The following AUTS2 variants were observed in gnomAD, a reference collection of about 807,000 sequenced individuals.
AUTS2 encodes activator of transcription and developmental regulator AUTS2.
Under a neutral mutation model 112.4 loss-of-function variants are expected in AUTS2, and 17 were observed. The ratio of observed to expected loss-of-function variants is 0.15; its 90% CI spans 0.10 to 0.23. The LOEUF (loss-of-function observed/expected upper bound fraction) is 0.23, where lower values mean the gene tolerates loss of function less well. Ranked by LOEUF, AUTS2 falls within the 10% of genes least tolerant of loss-of-function variation. AUTS2 has a pLI of 1.00. For missense variants in AUTS2, 1,510 were observed against 1,701.6 expected, an observed-to-expected ratio of 0.89 and a Z score of 1.98; for synonymous variants, 751 against 702.7, an observed-to-expected ratio of 1.07 and a Z score of -1.09.
chr7:69,997,476 T>G (rs1427111822), intron 2 of AUTS2, among the ~76,000 whole-genome samples: 1 of 152,212 alleles, frequency 6.6e-6, no homozygotes, highest in Non-Finnish European at 1.5e-5. Flanking sequence ...TTTGTGTTCC[T>G]ATAAACGAAT....
At chr7:70,385,892 C>T (rs1793585297) in intron 4 of AUTS2, among the ~76,000 whole-genome samples, 1 of 152,178 alleles carries the variant, frequency 6.6e-6, no homozygotes, top group African/African-American at 2.4e-5. Flanking sequence ...CCAGCTACCA[C>T]TCCACCAGTT....
intron 4 of AUTS2, among the ~76,000 whole-genome samples, chr7:70,135,720 A>G (rs1806520721): frequency 6.6e-6 from 1 of 152,166 alleles, no homozygotes. Flanking sequence ...TGCTTAATAC[A>G]GTTAGCACAC....
chr7:70,154,438 A>T (rs1045929914), intron 4 of AUTS2, among the ~76,000 whole-genome samples: 1 of 152,210 alleles, frequency 6.6e-6, no homozygotes. Flanking sequence ...AGAGATCTAT[A>T]GATATTTGTT....
rs139546791 is a variant in AUTS2, at chr7:70,325,117, C to A, written c.661-110635C>A. ...GGGATGAAAGGAGAGAAGTGGGAGG[C>A]TGGAAGGAGTGAGGTTTCTTGTCCT... is the stretch of plus-strand genomic sequence containing the variant. On this transcript the variant is annotated intron_variant, in intron 4 of 18. Transcript: ENST00000342771. Among the ~76,000 whole-genome samples, 11 of 152,154 alleles carry A rather than the reference C, an allele frequency of 7.2e-5. No homozygotes were observed. In the East Asian group the frequency reaches 2.1e-3, roughly 30 times the overall value.
At chr7:70,643,002 C>A (rs1211153193) in intron 5 of AUTS2, among the ~76,000 whole-genome samples, 1 of 152,198 alleles carries the variant, frequency 6.6e-6, no homozygotes, top group Non-Finnish European at 1.5e-5. Context: ...TTACGACCAC[C>A]CTTCTTGATT....
intron 4 of AUTS2, among the ~76,000 whole-genome samples, chr7:70,348,182 C>T (rs552003997): frequency 2.0e-4 from 30 of 152,270 alleles, no homozygotes; most frequent in Non-Finnish European, 3.8e-4. Flanking sequence ...CCCACCACAA[C>T]AGGCTGTAAG....
chr7:70,414,316 A>G (rs1220539349), intron 4 of AUTS2, among the ~76,000 whole-genome samples: 1 of 152,186 alleles, frequency 6.6e-6, no homozygotes, highest in Non-Finnish European at 1.5e-5. Context: ...ATGAGGAGAG[A>G]CATTTTAATC....
At chr7:69,782,711 T>C (rs1789195170) in intron 1 of AUTS2, among the ~76,000 whole-genome samples, 1 of 152,114 alleles carries the variant, frequency 6.6e-6, no homozygotes, top group Admixed American at 6.5e-5. Flanking sequence ...CAACCAAGTA[T>C]AACTTTTAGA....
chr7:70,070,794 C>T (rs1802724882), intron 2 of AUTS2, among the ~76,000 whole-genome samples: 1 of 151,656 alleles, frequency 6.6e-6, no homozygotes, highest in South Asian at 2.1e-4. Context: ...ATCGCTTGAA[C>T]CTGGGAGGTG....
At chr7:69,722,994 A>G (rs1799043621) in intron 1 of AUTS2, among the ~76,000 whole-genome samples, 2 of 152,082 alleles carry the variant, frequency 1.3e-5, no homozygotes, top group South Asian at 4.1e-4. Context: ...AACACATCCC[A>G]TTTCAGCAGT....
At chr7:70,024,510 T>G (rs1335012783) in intron 2 of AUTS2, among the ~76,000 whole-genome samples, 3 of 152,198 alleles carry the variant, frequency 2.0e-5, no homozygotes, top group Non-Finnish European at 4.4e-5. Context: ...CTGATTTATG[T>G]TTTTCTCTTC....
chr7:69,802,527 A>T (rs1188267435), intron 1 of AUTS2, among the ~76,000 whole-genome samples: 1 of 152,154 alleles, frequency 6.6e-6, no homozygotes, highest in Non-Finnish European at 1.5e-5. Flanking sequence ...CTGTGAACTC[A>T]TTTCATTAGG....
chr7:69,712,682 A>G lies in AUTS2; in HGVS notation c.309+112720A>G, dbSNP rs114090575. ...AGTTATAAATAAAGCTGCTATGAAT[A>G]CTAGAATACAAGTCTTCGTATGGGT... On this transcript the variant is annotated intron_variant, in intron 1 of 18. Transcript: ENST00000342771. 8.3e-4 allele frequency among the ~76,000 whole-genome samples: 127 copies of G among 152,312 alleles called. 1 individual carries two copies. Among genetic ancestry groups the G allele is most frequent in the African/African-American group, 2.9e-3 (120 of 41,576 alleles).
intron 5 of AUTS2, among the ~76,000 whole-genome samples, chr7:70,569,207 G>A (rs554742745): frequency 3.3e-4 from 50 of 152,332 alleles, no homozygotes; most frequent in African/African-American, 1.2e-3. Context: ...TGGACTGTCA[G>A]AAACAGGCAG....
chr7:69,830,558 T>G (rs1157168084), intron 1 of AUTS2, among the ~76,000 whole-genome samples: 1 of 152,216 alleles, frequency 6.6e-6, no homozygotes, highest in East Asian at 1.9e-4. Flanking sequence ...TTTATTTATT[T>G]TAGTTATTTT....
intron 1 of AUTS2, among the ~76,000 whole-genome samples, chr7:69,812,091 C>T (rs189232739): frequency 1.3e-5 from 2 of 152,236 alleles, no homozygotes; most frequent in East Asian, 3.9e-4. Context: ...CAGAAATTGC[C>T]TTTAATCTTG....
intron 5 of AUTS2, among the ~76,000 whole-genome samples, chr7:70,487,940 G>A (rs1798079610): frequency 6.6e-6 from 1 of 152,208 alleles, no homozygotes; most frequent in Admixed American, 6.5e-5. Flanking sequence ...TGGGGCGGTG[G>A]TGGGCCAAGA....
At chr7:69,844,214 C>G (rs1356892770) in intron 1 of AUTS2, among the ~76,000 whole-genome samples, 3 of 152,104 alleles carry the variant, frequency 2.0e-5, no homozygotes, top group Admixed American at 6.6e-5. Flanking sequence ...GTATGGGCTA[C>G]TTATTTAGGA....
At chr7:69,931,111 TTACACA>T (rs1181974651) in intron 2 of AUTS2, among the ~76,000 whole-genome samples, 2 of 67,514 alleles carry the variant, frequency 3.0e-5, no homozygotes, top group African/African-American at 6.6e-5. Flanking sequence ...CATTTTGGAT[TTACACA>T]CACACACACA....
Sources: allele counts gnomAD v4.1 joint callset (sites outside exome capture counted in the v4.1 genomes callset), GRCh38; gene constraint gnomAD v4.1.1; transcripts MANE v1.5; gene names NCBI Gene and HGNC (gene_info 2026-07-23, HGNC 2026-07-21).